MARCHF10: variants seen among roughly 807,000 people sequenced by gnomAD.
MARCHF10 encodes the protein membrane associated ring-CH-type finger 10.
Under a neutral mutation model 76.2 loss-of-function variants are expected in MARCHF10, and 64 were observed. The observed-to-expected ratio is 0.84, with a 90% confidence interval of 0.69 to 1.03. The LOEUF (loss-of-function observed/expected upper bound fraction) is 1.03. Ranked by LOEUF, MARCHF10 falls within the 50% of genes least tolerant of loss-of-function variation. The probability of loss-of-function intolerance (pLI) is 0.00; values close to 1 mark genes in which losing one functional copy is unlikely to be tolerated. For synonymous variants in MARCHF10, 340 were observed against 357.5 expected (o/e 0.95, Z 0.55); for missense variants, 875 against 958.0 (o/e 0.91, Z 1.14).
At chr17:62,792,689 CACCATCACCTCCATCACTACA>C (rs1403809812) in intron 2 of MARCHF10, among the ~76,000 whole-genome samples, 17 of 149,008 alleles carry the variant, frequency 1.1e-4, no homozygotes, top group Admixed American at 1.0e-3. Context: ...CCTCCATCAC[CACCATCACCTCCATCACTACA>C]ACCATCACCA....
At chr17:62,796,663 G>A (rs1269029981) in intron 2 of MARCHF10, among the ~76,000 whole-genome samples, 4 of 152,202 alleles carry the variant, frequency 2.6e-5, no homozygotes, top group Non-Finnish European at 5.9e-5. Flanking sequence ...CCCTTAAGAA[G>A]TCGTGGTCCA....
chr17:62,734,779 A>G (rs2147794709), intron 6 of MARCHF10, among the ~76,000 whole-genome samples: 1 of 152,334 alleles, frequency 6.6e-6, no homozygotes, highest in Non-Finnish European at 1.5e-5. Flanking sequence ...TGGATAAACT[A>G]TTAATAGGTA....
chr17:62,737,227 G>T lies in MARCHF10; in HGVS notation c.641C>A (p.Ala214Asp). The T allele has an allele frequency of 1.2e-6, 2 of 1,614,032 alleles. No individual in the cohort carries two copies. Among genetic ancestry groups the T allele is most frequent in the Non-Finnish European group, 1.7e-6 (2 of 1,179,990 alleles). The change falls in exon 6 of 11, where the codon GCC (alanine) becomes GAC (aspartate). Residue 214 changes from alanine (A) to aspartate (D), a missense_variant. Coordinates refer to ENST00000311269, the MANE Select transcript of MARCHF10 (RefSeq NM_152598.4). ...VPSSQPMTEN[A>D]PDRAKKGDPS... ...GTCTCCTTTTTTGGCTCTATCAGGG[G>T]CGTTCTCAGTCATTGGCTGTGACGA...
chr17:62,730,819 G>A (rs927447344), intron 6 of MARCHF10, among the ~76,000 whole-genome samples: 4 of 152,040 alleles, frequency 2.6e-5, no homozygotes, highest in East Asian at 1.9e-4. Flanking sequence ...ACTTGAACCC[G>A]GGAGGCGGAG....
At chr17:62,754,884 A>G (rs1226847184) in intron 4 of MARCHF10, among the ~76,000 whole-genome samples, 1 of 152,188 alleles carries the variant, frequency 6.6e-6, no homozygotes, top group Admixed American at 6.5e-5. Flanking sequence ...AGAAGAATGT[A>G]TTTGCAAGGT....
intron 2 of MARCHF10, among the ~76,000 whole-genome samples, chr17:62,793,196 TCACCACCAC>T (rs369090555): frequency 2.0e-5 from 1 of 50,154 alleles, no homozygotes; most frequent in East Asian, 7.6e-4. Context: ...ACCACCTCCA[TCACCACCAC>T]CACCACCACC....
intron 4 of MARCHF10, among the ~76,000 whole-genome samples, chr17:62,758,095 T>C (rs1484913215): frequency 6.6e-6 from 1 of 151,604 alleles, no homozygotes; most frequent in Non-Finnish European, 1.5e-5. Context: ...ATAAATGGAG[T>C]TGCATTATTT....
chr17:62,759,770 C>T, intron 4 of MARCHF10, 65 bp downstream of exon 4: 1 of 1,543,246 alleles, frequency 6.5e-7, no homozygotes, highest in African/African-American at 1.4e-5. Context: ...CGTGCTCGGC[C>T]TGTTGTTGTT....
intron 8 of MARCHF10, among the ~76,000 whole-genome samples, chr17:62,713,264 T>A (rs1198093716): frequency 6.6e-6 from 1 of 152,224 alleles, no homozygotes; most frequent in Non-Finnish European, 1.5e-5. Flanking sequence ...AGCCAGCTTT[T>A]ATGCTTGAGA....
intron 3 of MARCHF10, among the ~76,000 whole-genome samples, chr17:62,780,364 T>C (rs979102056): frequency 6.6e-6 from 1 of 152,256 alleles, no homozygotes; most frequent in African/African-American, 2.4e-5. Context: ...TTATTTTTTA[T>C]GTTAATCTCT....
chr17:62,706,930 G>A (rs2089629528), intron 9 of MARCHF10, among the ~76,000 whole-genome samples: 1 of 152,198 alleles, frequency 6.6e-6, no homozygotes, highest in South Asian at 2.1e-4. Context: ...CAAAGGTGGG[G>A]TAAAGTGAGG....
At position 62,711,126 on chromosome 17, in the gene MARCHF10, C is replaced by T. The variant is rs1454870548; in HGVS notation, c.2328+105G>A. 3 of 863,644 alleles carry T rather than the reference C, an allele frequency of 3.5e-6. No homozygotes were observed. Among genetic ancestry groups the T allele is most frequent in the South Asian group, 2.9e-5 (2 of 68,638 alleles). The allele number at this position is 863,644 out of a possible 1,614,324, so 53.5% of individuals were successfully genotyped here. On this transcript the variant is annotated intron_variant, in intron 9 of 10. Transcript: ENST00000311269. This position sits in a 1 kb window ranked among gnomAD's most constrained non-coding sequence, Gnocchi z 4.4. ...GTCCTAACAATGATAGTCCCATATC[C>T]TCCCAAGCGACCGTGAGGACCTCAA... is the stretch of plus-strand genomic sequence containing the variant.
chr17:62,753,270 C>G (rs897210190), intron 4 of MARCHF10, among the ~76,000 whole-genome samples: 1 of 152,072 alleles, frequency 6.6e-6, no homozygotes, highest in Non-Finnish European at 1.5e-5. Flanking sequence ...CTACATCTGG[C>G]TAATTTTTGT....
At chr17:62,784,737 AACAG>A (rs1203623503) in intron 3 of MARCHF10, among the ~76,000 whole-genome samples, 1 of 152,164 alleles carries the variant, frequency 6.6e-6, no homozygotes, top group African/African-American at 2.4e-5. Context: ...ATAACAGACA[AACAG>A]ACAGCCAAAT....
At chr17:62,715,340 C>A (rs376305093) in intron 8 of MARCHF10, among the ~76,000 whole-genome samples, 1 of 152,234 alleles carries the variant, frequency 6.6e-6, no homozygotes. Flanking sequence ...AATGCCACCA[C>A]GCCCAATGGC....
At chr17:62,714,333 C>T (rs2090082535) in intron 8 of MARCHF10, 5 of 936,922 alleles carry the variant, frequency 5.3e-6, no homozygotes, top group Non-Finnish European at 6.4e-6. Context: ...CAAAGGGACT[C>T]AATTTGTAAT....
intron 6 of MARCHF10, among the ~76,000 whole-genome samples, chr17:62,725,871 G>A (rs1368074914): frequency 1.3e-5 from 2 of 152,228 alleles, no homozygotes; most frequent in African/African-American, 4.8e-5. Flanking sequence ...TCTGTACAAT[G>A]AGGGTCATGG....
At chr17:62,716,446 A>G (rs993482883) in intron 8 of MARCHF10, among the ~76,000 whole-genome samples, 64 of 150,716 alleles carry the variant, frequency 4.2e-4, no homozygotes, top group Non-Finnish European at 6.6e-4. Context: ...AAAAAAAAAA[A>G]GAAAAAAAGC....
rs1174172853 is a variant in MARCHF10, at chr17:62,744,515, T to C, written c.396A>G (p.Pro132=). The C allele has an allele frequency of 6.2e-7, 1 of 1,614,032 alleles. No individual in the cohort carries two copies. The highest frequency in any genetic ancestry group is 1.7e-5 in the Admixed American group (1 of 59,984). ...PSEPSPADQA[P]MVLLRKRKPN... The stretch of plus-strand genomic sequence containing the variant: ...GCTTCCTCTTTCTTAATAAAACCAT[T>C]GGTGCTTGGTCTGCTGAAAGATGCA... The change falls in exon 5 of 11, where the codon CCA becomes CCG. Residue 132 remains proline, a synonymous_variant. Transcript: ENST00000311269.
Sources: gnomAD v4.1 joint callset for allele counts (sites outside exome capture counted in the v4.1 genomes callset) on GRCh38, gnomAD v4.1.1 for gene constraint, Gnocchi (gnomAD v3.1) non-coding constraint, MANE v1.5 for transcripts, NCBI Gene and HGNC (gene_info 2026-07-23, HGNC 2026-07-21) for gene names.